AIG1: variants seen among roughly 807,000 people sequenced by gnomAD.
AIG1 encodes the protein androgen-induced gene 1 protein.
A neutral mutation model predicts 31.4 loss-of-function variants in AIG1; 23 were observed. That is an observed-to-expected ratio of 0.73 (90% CI 0.53 to 1.04). AIG1 has a LOEUF of 1.04. AIG1 is among the 50% of genes least tolerant of loss of function. The probability of loss-of-function intolerance (pLI) is 0.00; values close to 1 mark genes in which losing one functional copy is unlikely to be tolerated. For synonymous variants in AIG1, 100 were observed against 110.5 expected, an observed-to-expected ratio of 0.90 and a Z score of 0.60; for missense variants, 274 against 295.0, an observed-to-expected ratio of 0.93 and a Z score of 0.52.
At chr6:143,223,860 A>C (rs1045772568) in intron 3 of AIG1, among the ~76,000 whole-genome samples, 1 of 152,212 alleles carries the variant, frequency 6.6e-6, no homozygotes, top group African/African-American at 2.4e-5. Context: ...TTTTAAATTA[A>C]ATTACTGGAA....
rs145575660 is a variant in AIG1, at chr6:143,088,525, C to T, written c.141+27459C>T. On this transcript the variant is annotated intron_variant, in intron 1 of 5. Coordinates refer to ENST00000357847, the MANE Select transcript of AIG1 (RefSeq NM_016108.4). ...GATGTAGAGATCACAAAATATAGCA[C>T]GAAACGTGTAGGTTAGTAACTGGGG... Among the ~76,000 whole-genome samples the T allele has an allele frequency of 6.3e-4, 96 of 152,260 alleles. 1 individual carries two copies. In the East Asian group the frequency reaches 0.015, roughly 24 times the overall value.
At chr6:143,076,316 G>A (rs1026084833) in intron 1 of AIG1, among the ~76,000 whole-genome samples, 24 of 152,158 alleles carry the variant, frequency 1.6e-4, no homozygotes, top group African/African-American at 5.3e-4. Context: ...ACTATAAAAT[G>A]TTCTTATTCC....
intron 3 of AIG1, among the ~76,000 whole-genome samples, chr6:143,248,000 C>A (rs1215754378): frequency 6.6e-6 from 1 of 152,144 alleles, no homozygotes; most frequent in East Asian, 1.9e-4. Flanking sequence ...GTACTAATAA[C>A]CCATATTGGG....
intron 4 of AIG1, among the ~76,000 whole-genome samples, chr6:143,314,480 G>A (rs1775568311): frequency 6.6e-6 from 1 of 152,058 alleles, no homozygotes; most frequent in African/African-American, 2.4e-5. Flanking sequence ...AAATATTGAA[G>A]AATACAAGGT....
At chr6:143,169,335 C>CAT (rs1787272842) in intron 3 of AIG1, among the ~76,000 whole-genome samples, 1 of 151,982 alleles carries the variant, frequency 6.6e-6, no homozygotes, top group South Asian at 2.1e-4. Flanking sequence ...ATGTAATTAA[C>CAT]ATAGTTACAG....
At chr6:143,309,709 A>G (rs144129386) in intron 4 of AIG1, among the ~76,000 whole-genome samples, 1 of 152,176 alleles carries the variant, frequency 6.6e-6, no homozygotes, top group East Asian at 1.9e-4. Context: ...AGATTATTAC[A>G]TTAGATAAAA....
At chr6:143,313,576 A>G (rs1775484420) in intron 4 of AIG1, among the ~76,000 whole-genome samples, 1 of 152,090 alleles carries the variant, frequency 6.6e-6, no homozygotes, top group South Asian at 2.1e-4. Context: ...GGTGGCAATG[A>G]GGGTTAAATG....
intron 2 of AIG1, among the ~76,000 whole-genome samples, chr6:143,149,762 T>C (rs1785036950): frequency 1.3e-5 from 2 of 152,204 alleles, no homozygotes; most frequent in Admixed American, 1.3e-4. Context: ...AGAAAATCTT[T>C]CCTGCTTTGT....
chr6:143,306,933 C>T (rs921690631), intron 4 of AIG1, among the ~76,000 whole-genome samples: 44 of 152,292 alleles, frequency 2.9e-4, no homozygotes, highest in Non-Finnish European at 5.0e-4. Flanking sequence ...CTTCCCTTCT[C>T]GCTTCATTTC....
intron 3 of AIG1, among the ~76,000 whole-genome samples, chr6:143,166,509 T>A (rs1786957582): frequency 6.6e-6 from 1 of 152,234 alleles, no homozygotes. Context: ...CAAAGTTAGC[T>A]ATTCCGTTAC....
upstream of AIG1, among the ~76,000 whole-genome samples, chr6:143,059,470 C>A (rs1776083472): frequency 6.6e-6 from 1 of 151,960 alleles, no homozygotes; most frequent in Non-Finnish European, 1.5e-5. Context: ...CAGTTTATAA[C>A]CATGTACCAA....
rs558197545 is a variant in AIG1 at position 143,111,494 on chromosome 6, C to T, written c.142-25341C>T. On this transcript the variant is annotated intron_variant, in intron 1 of 5. Coordinates refer to ENST00000357847, the MANE Select transcript of AIG1 (RefSeq NM_016108.4). Reference sequence around the variant, plus strand: ...TCATTCCACAAATGTTGTTATTGCACATGGCCTGCTTCAGACTCATTGCTT... The same window carrying T: ...TCATTCCACAAATGTTGTTATTGCATATGGCCTGCTTCAGACTCATTGCTT... 5.9e-4 allele frequency among the ~76,000 whole-genome samples: 90 copies of T among 152,332 alleles called. 1 individual carries two copies. The highest frequency in any genetic ancestry group is 2.1e-3 in the African/African-American group (87 of 41,566).
At position 143,331,881 on chromosome 6, in the gene AIG1, TATTA is replaced by T. The variant is rs1292981449; in HGVS notation, c.516-1400_516-1397del. Reference sequence around the variant, plus strand: ...TTATTATTATTATTATTATTATTATTATTATTTTGAGACCAAGTCTCACTTTGTC... The same window carrying T: ...TTATTATTATTATTATTATTATTATTTTTTGAGACCAAGTCTCACTTTGTC... On this transcript the variant is annotated intron_variant, in intron 4 of 5. Transcript: ENST00000357847. The surrounding 1 kb of genome is among the most constrained non-coding windows in gnomAD (Gnocchi z 4.1). Among the ~76,000 whole-genome samples the T allele has an allele frequency of 2.1e-5, 3 of 145,602 alleles. No individual in the cohort carries two copies. The highest frequency in any genetic ancestry group is 7.6e-5 in the African/African-American group (3 of 39,712).
chr6:143,247,895 G>T (rs1024098295), intron 3 of AIG1, among the ~76,000 whole-genome samples: 1 of 152,102 alleles, frequency 6.6e-6, no homozygotes, highest in African/African-American at 2.4e-5. Context: ...GATTCAGGAG[G>T]TCTTCATCTT....
intron 3 of AIG1, among the ~76,000 whole-genome samples, chr6:143,259,661 G>T (rs559752077): frequency 3.3e-5 from 5 of 152,046 alleles, no homozygotes; most frequent in Admixed American, 2.0e-4. Flanking sequence ...CATTCCTTGC[G>T]TGCTCATAAC....
At chr6:143,130,848 A>G (rs550919823) in intron 1 of AIG1, among the ~76,000 whole-genome samples, 1 of 152,260 alleles carries the variant, frequency 6.6e-6, no homozygotes, top group Admixed American at 6.5e-5. Context: ...CCCATTAGTT[A>G]TTATTCCTAA....
At chr6:143,105,296 G>C (rs566137831) in intron 1 of AIG1, among the ~76,000 whole-genome samples, 1 of 152,320 alleles carries the variant, frequency 6.6e-6, no homozygotes, top group African/African-American at 2.4e-5. Context: ...GGAAGACCCT[G>C]CATGGCCCTC....
intron 3 of AIG1, among the ~76,000 whole-genome samples, chr6:143,266,794 G>A (rs1274303021): frequency 6.6e-6 from 1 of 152,136 alleles, no homozygotes; most frequent in Non-Finnish European, 1.5e-5. Context: ...AAATAAATTA[G>A]CTGGGCATGG....
chr6:143,124,859 C>T (rs891222925), intron 1 of AIG1, among the ~76,000 whole-genome samples: 4 of 152,100 alleles, frequency 2.6e-5, no homozygotes, highest in African/African-American at 9.7e-5. Context: ...GAAACCACCC[C>T]CATGATCCAA....
Sources: gnomAD v4.1 joint callset for allele counts (sites outside exome capture counted in the v4.1 genomes callset) on GRCh38, gnomAD v4.1.1 for gene constraint, Gnocchi (gnomAD v3.1) non-coding constraint, MANE v1.5 for transcripts, NCBI Gene and HGNC (gene_info 2026-07-23, HGNC 2026-07-21) for gene names.